The following TTYH1 variants were observed in gnomAD, a reference collection of about 807,000 sequenced individuals.
TTYH1 encodes the protein tweety family member 1.
TTYH1 carries 33 observed loss-of-function variants against 61.2 expected under a neutral mutation model. The ratio of observed to expected loss-of-function variants is 0.54; its 90% CI spans 0.41 to 0.72. TTYH1 has a LOEUF of 0.72. Ranked by LOEUF, TTYH1 falls within the 30% of genes least tolerant of loss-of-function variation. The pLI is 0.00. For synonymous variants in TTYH1, 308 were observed against 266.4 expected, an observed-to-expected ratio of 1.16 and a Z score of -1.52; for missense variants, 538 against 575.8, an observed-to-expected ratio of 0.93 and a Z score of 0.67.
intron 7 of TTYH1, 25 bp from the exon 8 acceptor site, chr19:54,430,525 C>T: frequency 6.2e-7 from 1 of 1,613,678 alleles, no homozygotes; most frequent in Middle Eastern, 1.7e-4. Flanking sequence ...TCATGGCCTC[C>T]TCCCCTCTCC....
intron 9 of TTYH1, 24 bp from the exon 10 acceptor site, chr19:54,431,075 A>G: frequency 6.3e-7 from 1 of 1,592,950 alleles, no homozygotes; most frequent in Non-Finnish European, 8.6e-7. Context: ...GTTCGTGGGA[A>G]AACGACCCCT....
intron 5 of TTYH1, 93 bp downstream of exon 5, chr19:54,426,861 T>C: frequency 8.5e-7 from 1 of 1,177,876 alleles, no homozygotes; most frequent in Non-Finnish European, 1.2e-6. Flanking sequence ...CGGAGGACCG[T>C]GGTCCTTCAC....
At chr19:54,431,535 T>G (rs2083445404) in intron 10 of TTYH1, 6 of 332,010 alleles carry the variant, frequency 1.8e-5, no homozygotes, top group Non-Finnish European at 5.5e-6. Flanking sequence ...CCCTCCCTCC[T>G]AGAGGCTGCC....
intron 4 of TTYH1, among the ~76,000 whole-genome samples, chr19:54,423,936 G>A (rs988232151): frequency 2.0e-5 from 3 of 152,174 alleles, no homozygotes; most frequent in Non-Finnish European, 4.4e-5. Context: ...GCCGAGGCAG[G>A]CGGATCACGA....
Position 54,435,843 on chromosome 19 carries a change from C to T in TTYH1, c.1284C>T (p.Asp428=), listed in dbSNP as rs985436753. The T allele has an allele frequency of 5.0e-6, 8 of 1,613,268 alleles. No individual in the cohort carries two copies. Among genetic ancestry groups the T allele is most frequent in the African/African-American group, 1.3e-5 (1 of 74,886 alleles). The change falls in exon 12 of 14, where the codon GAC becomes GAT. Residue 428 remains aspartate (D), a synonymous_variant. Coordinates refer to ENST00000376530, the MANE Select transcript of TTYH1 (RefSeq NM_020659.4). The stretch of plus-strand genomic sequence containing the variant: ...CAAACCCCAGTGACGACTACGATGA[C>T]ACAGACGATGACGACCCTTTCAACC... ...ALFPPSDDYD[D]TDDDDPFNPQ...
intron 10 of TTYH1, chr19:54,433,207 C>T (rs1294765280): frequency 6.6e-6 from 1 of 152,214 alleles, no homozygotes; most frequent in African/African-American, 2.4e-5. Flanking sequence ...CACCATGAGA[C>T]CCTGGGTCTC....
rs1203908797 is a variant in TTYH1 at position 54,429,436 on chromosome 19, A to C, written c.807+57A>C. The C allele has an allele frequency of 2.0e-6, 3 of 1,501,148 alleles. No homozygotes were observed. The highest frequency in any genetic ancestry group is 1.7e-5 in the Admixed American group (1 of 59,010). The allele number at this position is 1,501,148 out of a possible 1,614,324, so 93.0% of individuals were successfully genotyped here. ...GGACTCAGGGGGCCTGGAGACTTCA[A>C]CTTCTGGATCTCGGGATGGCATGGC... On this transcript the variant is annotated intron_variant, in intron 6 of 13. Transcript: ENST00000376530. This position sits in a 1 kb window ranked among gnomAD's most constrained non-coding sequence, Gnocchi z 5.1.
intron 3 of TTYH1, 36 bp from the exon 4 acceptor site, chr19:54,422,154 T>C (rs1284764167): frequency 3.3e-6 from 5 of 1,512,218 alleles, no homozygotes; most frequent in Non-Finnish European, 4.5e-6. Context: ...CCCCCCAGGA[T>C]GTCCTTCCAG....
In TTYH1 at chr19:54,430,484, C is replaced by A. The variant is rs1049493634; in HGVS notation, c.884-66C>A. 3.8e-6 allele frequency: 6 copies of A among 1,568,854 alleles called. No homozygotes were observed. The African/African-American group carries it at 8.1e-5, about 21-fold the overall frequency. On this transcript the variant is annotated intron_variant, in intron 7 of 13. Coordinates refer to ENST00000376530, the MANE Select transcript of TTYH1 (RefSeq NM_020659.4). ...CCCTGCTAACCCCCCAGTGCCCGGC[C>A]TTCCCCCGGGAGATCCCTGGGGGCC...
At chr19:54,435,779 T>C (rs771912935) in intron 11 of TTYH1, 49 bp from the exon 12 acceptor site, 1 of 1,613,418 alleles carries the variant, frequency 6.2e-7, no homozygotes, top group South Asian at 1.1e-5. Flanking sequence ...TGCAGCCTCC[T>C]GATGGGTCCC....
chr19:54,435,246 G>A (rs2083519026), intron 10 of TTYH1: 2 of 384,876 alleles, frequency 5.2e-6, no homozygotes, highest in South Asian at 1.3e-4. Context: ...GCTGACTGGG[G>A]AGGACCCATG....
rs145214544 is a variant in TTYH1 at position 54,426,422 on chromosome 19, G to A, written c.639-251G>A. 1.4e-3 allele frequency: 757 copies of A among 557,760 alleles called. 2 individuals carry two copies. Among genetic ancestry groups the A allele is most frequent in the Non-Finnish European group, 1.8e-3 (556 of 306,200 alleles). The allele number at this position is 557,760 out of a possible 1,614,324, so 34.6% of individuals were successfully genotyped here. On this transcript the variant is annotated intron_variant, in intron 4 of 13. Coordinates refer to ENST00000376530, the MANE Select transcript of TTYH1 (RefSeq NM_020659.4). Reference sequence around the variant, plus strand: ...GTCACAGGGCACATGTGTGTGGCCCGGCCAGGGGATAGTCCCAGGTGCTCA... The same window carrying A: ...GTCACAGGGCACATGTGTGTGGCCCAGCCAGGGGATAGTCCCAGGTGCTCA...
At chr19:54,427,746 C>T (rs369177547) in intron 5 of TTYH1, among the ~76,000 whole-genome samples, 1 of 152,244 alleles carries the variant, frequency 6.6e-6, no homozygotes, top group East Asian at 1.9e-4. Context: ...TGACTAAGAG[C>T]GCAGAGGGTG....
chr19:54,415,716 G>C lies in TTYH1; in HGVS notation c.126+38G>C. 1 of 1,498,146 alleles carries C rather than the reference G, an allele frequency of 6.7e-7. No individual in the cohort carries two copies. Among genetic ancestry groups the C allele is most frequent in the Non-Finnish European group, 8.9e-7 (1 of 1,125,624 alleles). 92.8% of individuals were successfully genotyped at this position (1,498,146 alleles called of 1,614,324 possible). ...GCCAGGGCCTGGGGGCCAGGGCTGG[G>C]GGCCGGAGCTCCTGGGTCCCGAGGG... On this transcript the variant is annotated intron_variant, in intron 1 of 13. Coordinates refer to ENST00000376530, the MANE Select transcript of TTYH1 (RefSeq NM_020659.4). This position sits in a 1 kb window ranked among gnomAD's most constrained non-coding sequence, Gnocchi z 5.2.
chr19:54,415,862 C>CCCCCA lies in TTYH1; in HGVS notation c.126+184_126+185insCCCCA. 1 of 811,598 alleles carries CCCCCA rather than the reference C, an allele frequency of 1.2e-6. No homozygotes were observed. Among genetic ancestry groups the CCCCCA allele is most frequent in the Non-Finnish European group, 1.9e-6 (1 of 537,662 alleles). The allele number at this position is 811,598 out of a possible 1,614,324, so 50.3% of individuals were successfully genotyped here. ...CCCATGCCTGGAGGTTCTCCTGGGA[C>CCCCCA]GCGCGCTGGGGGTCCAGACCTCGAG... On this transcript the variant is annotated intron_variant, in intron 1 of 13. Coordinates refer to ENST00000376530, the MANE Select transcript of TTYH1 (RefSeq NM_020659.4). The surrounding 1 kb of genome is among the most constrained non-coding windows in gnomAD (Gnocchi z 5.2).
chr19:54,434,751 T>C lies in TTYH1; in HGVS notation c.1126-791T>C, dbSNP rs1026633005. The C allele has an allele frequency of 6.6e-6, 1 of 152,268 alleles. No homozygotes were observed. The highest frequency in any genetic ancestry group is 2.4e-5 in the African/African-American group (1 of 41,442). 9.4% of individuals were successfully genotyped at this position (152,268 alleles called of 1,614,324 possible). On this transcript the variant is annotated intron_variant, in intron 10 of 13. Coordinates refer to ENST00000376530, the MANE Select transcript of TTYH1 (RefSeq NM_020659.4). The surrounding 1 kb of genome is among the most constrained non-coding windows in gnomAD (Gnocchi z 4.3). Reference sequence around the variant, plus strand: ...TGTTGAGTGTGTATTGTGTGCGCGGTGTCATCTTGAGCCACTGGTTGGTTT... The same window carrying C: ...TGTTGAGTGTGTATTGTGTGCGCGGCGTCATCTTGAGCCACTGGTTGGTTT...
At chr19:54,422,511 T>C in intron 4 of TTYH1, 101 bp downstream of exon 4, 2 of 1,031,756 alleles carry the variant, frequency 1.9e-6, no homozygotes, top group Non-Finnish European at 2.8e-6. Context: ...TTGTGACAGC[T>C]GGGGAGTGTG....
rs1048532955 is a variant in TTYH1 at position 54,420,022 on chromosome 19, A to AG, written c.305+720dup. The stretch of plus-strand genomic sequence containing the variant: ...TCCAAAGAGGAAGGCTCAGGGACAG[A>AG]GGGGAGGTCACCTTTCAAGGCCACG... On this transcript the variant is annotated intron_variant, in intron 2 of 13. Coordinates refer to ENST00000376530, the MANE Select transcript of TTYH1 (RefSeq NM_020659.4). The surrounding 1 kb of genome is among the most constrained non-coding windows in gnomAD (Gnocchi z 4.8). 9.9e-5 allele frequency among the ~76,000 whole-genome samples: 15 copies of AG among 152,248 alleles called. No homozygotes were observed. Among genetic ancestry groups the AG allele is most frequent in the African/African-American group, 3.6e-4 (15 of 41,552 alleles).
In TTYH1 at chr19:54,420,809, C is replaced by G. The variant is rs73606754; in HGVS notation, c.306-468C>G. 11,913 of 177,388 alleles carry G rather than the reference C, an allele frequency of 0.067. 690 individuals are homozygous for G. Among genetic ancestry groups the G allele is most frequent in the African/African-American group, 0.16 (6,546 of 41,836 alleles). The allele number at this position is 177,388 out of a possible 1,614,324, so 11.0% of individuals were successfully genotyped here. A position where few individuals can be genotyped will look rare whatever the true frequency, so the allele number is the denominator to read the frequency against. ...CTTAGGAACCCCCAGGAGGTGGGGG[C>G]GGAGAACGTCTCAGCACTGAAGGGT... On this transcript the variant is annotated intron_variant, in intron 2 of 13. Transcript: ENST00000376530. This position sits in a 1 kb window ranked among gnomAD's most constrained non-coding sequence, Gnocchi z 4.8.
Sources: gnomAD v4.1 joint callset for allele counts (sites outside exome capture counted in the v4.1 genomes callset) on GRCh38, gnomAD v4.1.1 for gene constraint, Gnocchi (gnomAD v3.1) non-coding constraint, MANE v1.5 for transcripts, NCBI Gene and HGNC (gene_info 2026-07-23, HGNC 2026-07-21) for gene names.